GPHN: variants seen among roughly 807,000 people sequenced by gnomAD.
GPHN encodes gephyrin.
In GPHN, 17 loss-of-function variants were observed where a neutral mutation model predicts 95.5. The observed-to-expected ratio is 0.18, with a 90% CI of 0.12 to 0.27. The LOEUF (loss-of-function observed/expected upper bound fraction) is 0.27. Among genes scored for constraint, GPHN ranks in the 10% least tolerant of loss-of-function variants. The probability of loss-of-function intolerance (pLI) is 1.00; values close to 1 mark genes in which losing one functional copy is unlikely to be tolerated. For missense variants in GPHN, 660 were observed against 978.1 expected, an observed-to-expected ratio of 0.67 and a Z score of 4.34; for synonymous variants, 320 against 322.5, an observed-to-expected ratio of 0.99 and a Z score of 0.08.
chr14:67,284,466 T>C, the GPHN span, among the ~76,000 whole-genome samples: 1 of 128,414 alleles, frequency 7.8e-6, no homozygotes, highest in Non-Finnish European at 1.5e-5. Flanking sequence ...GGTGGTATGC[T>C]TCTGTAGTCC....
intron 1 of GPHN, among the ~76,000 whole-genome samples, chr14:66,590,411 G>C (rs905366691): frequency 5.3e-5 from 8 of 152,048 alleles, no homozygotes; most frequent in African/African-American, 1.7e-4. Context: ...TCGAAAGCCA[G>C]ACTAATAAAG....
chr14:66,603,514 T>C, intron 1 of GPHN, among the ~76,000 whole-genome samples: 1 of 151,956 alleles, frequency 6.6e-6, no homozygotes, highest in East Asian at 1.9e-4. Context: ...TCTTCAGCAG[T>C]AGGACATTAG....
intron 2 of GPHN, among the ~76,000 whole-genome samples, chr14:66,750,220 A>G (rs767928366): frequency 3.9e-5 from 6 of 151,966 alleles, no homozygotes; most frequent in Non-Finnish European, 8.8e-5. Flanking sequence ...TATGTTTTAC[A>G]TTTAGGTCTG....
chr14:66,931,463 CTCTCTCTACCTTT>C (rs2066796093), intron 8 of GPHN, among the ~76,000 whole-genome samples: 1 of 152,118 alleles, frequency 6.6e-6, no homozygotes, highest in South Asian at 2.1e-4. Flanking sequence ...GTCTCTCTCT[CTCTCTCTACCTTT>C]TCTTTAAGGC....
the GPHN span, among the ~76,000 whole-genome samples, chr14:67,664,487 A>G: frequency 7.9e-6 from 1 of 125,816 alleles, no homozygotes; most frequent in East Asian, 2.3e-4. Flanking sequence ...ACTTCCACCA[A>G]CTAAAGAGCA....
At chr14:66,769,638 C>T (rs2059091825) in intron 2 of GPHN, among the ~76,000 whole-genome samples, 1 of 152,056 alleles carries the variant, frequency 6.6e-6, no homozygotes, top group African/African-American at 2.4e-5. Context: ...CATCCAAGTC[C>T]CTGCAAAGGA....
chr14:66,729,852 A>AT (rs1595714938), intron 2 of GPHN, among the ~76,000 whole-genome samples: 1 of 152,146 alleles, frequency 6.6e-6, no homozygotes, highest in East Asian at 1.9e-4. Flanking sequence ...AGTAATTCCC[A>AT]TTTTTTGTGT....
At chr14:66,683,602 T>C (rs1484650233) in intron 2 of GPHN, among the ~76,000 whole-genome samples, 2 of 142,626 alleles carry the variant, frequency 1.4e-5, no homozygotes, top group Non-Finnish European at 3.0e-5. Flanking sequence ...TCAGGTATAC[T>C]AGATGGTCCT....
chr14:67,493,873 T>C, the GPHN span, among the ~76,000 whole-genome samples: 1 of 152,046 alleles, frequency 6.6e-6, no homozygotes, highest in Non-Finnish European at 1.5e-5. Flanking sequence ...CTCACACATG[T>C]AATAAACTTA....
chr14:67,549,416 A>G, the GPHN span, among the ~76,000 whole-genome samples: 79 of 152,034 alleles, frequency 5.2e-4, no homozygotes, highest in Non-Finnish European at 7.9e-4. Context: ...GATTACAGGC[A>G]CATGCCACCA....
intron 10 of GPHN, among the ~76,000 whole-genome samples, chr14:67,047,844 C>A (rs1012951532): frequency 1.3e-4 from 20 of 152,080 alleles, no homozygotes; most frequent in African/African-American, 4.8e-4. Flanking sequence ...ACCTGTGGTG[C>A]CAGCTACTCG....
chr14:67,596,468 GA>G, the GPHN span, among the ~76,000 whole-genome samples: 12 of 151,770 alleles, frequency 7.9e-5, no homozygotes, highest in East Asian at 2.3e-3. Context: ...ACTGGCACAG[GA>G]AAAAAATTAT....
At chr14:67,048,981 A>G (rs984580180) in intron 10 of GPHN, among the ~76,000 whole-genome samples, 1 of 152,174 alleles carries the variant, frequency 6.6e-6, no homozygotes, top group Non-Finnish European at 1.5e-5. Context: ...CTTATTTTTC[A>G]TTATAACCTT....
chr14:66,730,178 T>C (rs1159353679), intron 2 of GPHN, among the ~76,000 whole-genome samples: 4 of 152,206 alleles, frequency 2.6e-5, no homozygotes, highest in Non-Finnish European at 5.9e-5. Context: ...AAGAAGTTAC[T>C]AGGAATTCAT....
At chr14:67,159,088 T>C (rs1157669553) in intron 18 of GPHN, among the ~76,000 whole-genome samples, 1 of 152,230 alleles carries the variant, frequency 6.6e-6, no homozygotes, top group African/African-American at 2.4e-5. Context: ...TATTATACAT[T>C]AATGTAGTTG....
At chr14:66,842,835 T>C in intron 4 of GPHN, 1 of 731,568 alleles carries the variant, frequency 1.4e-6, no homozygotes, top group Non-Finnish European at 2.3e-6. Context: ...TTAATTTCCT[T>C]GTGGATTGTT....
intron 5 of GPHN, among the ~76,000 whole-genome samples, chr14:66,905,475 A>G (rs937142126): frequency 6.6e-5 from 10 of 151,790 alleles, no homozygotes; most frequent in South Asian, 2.1e-4. Context: ...CCTGTTTACT[A>G]TTGTTTCTTT....
At chr14:67,595,502 G>A in the GPHN span, among the ~76,000 whole-genome samples, 9 of 152,178 alleles carry the variant, frequency 5.9e-5, no homozygotes, top group Admixed American at 5.9e-4. Flanking sequence ...CCACCCACCA[G>A]CCCCAATTGA....
At chr14:67,121,117 T>C (rs572331669) in intron 16 of GPHN, among the ~76,000 whole-genome samples, 1 of 152,278 alleles carries the variant, frequency 6.6e-6, no homozygotes, top group East Asian at 1.9e-4. Flanking sequence ...GCCTTTAACC[T>C]CCTAAAATAA....
Sources: gnomAD v4.1 joint callset for allele counts (sites outside exome capture counted in the v4.1 genomes callset) on GRCh38, gnomAD v4.1.1 for gene constraint, MANE v1.5 for transcripts, NCBI Gene and HGNC (gene_info 2026-07-23, HGNC 2026-07-21) for gene names.